MON2: variants seen among roughly 807,000 people sequenced by gnomAD.
The protein encoded by MON2 is protein MON2 homolog.
A neutral mutation model predicts 208.6 loss-of-function variants in MON2; 84 were observed. That is an observed-to-expected ratio of 0.40 (90% CI 0.34 to 0.48). MON2 has a LOEUF of 0.48. Among genes scored for constraint, MON2 ranks in the 20% least tolerant of loss-of-function variants. MON2 has a pLI of 0.59. For missense variants in MON2, 1,611 were observed against 2,015.4 expected (o/e 0.80, Z 3.84); for synonymous variants, 660 against 694.0 (o/e 0.95, Z 0.77).
intron 9 of MON2, 34 bp downstream of exon 9, chr12:62,524,673 G>C (rs1395573916): frequency 6.3e-7 from 1 of 1,597,614 alleles, no homozygotes; most frequent in East Asian, 2.2e-5. Flanking sequence ...TAAATAGATA[G>C]GTTAATGTTT....
At chr12:62,540,831 G>A (rs1398716101) in intron 19 of MON2, among the ~76,000 whole-genome samples, 1 of 152,004 alleles carries the variant, frequency 6.6e-6, no homozygotes, top group Non-Finnish European at 1.5e-5. Context: ...TTTAGATGGA[G>A]GCTATAAAAA....
At chr12:62,523,774 T>G (rs1223409843) in intron 8 of MON2, among the ~76,000 whole-genome samples, 1 of 152,126 alleles carries the variant, frequency 6.6e-6, no homozygotes, top group Non-Finnish European at 1.5e-5. Flanking sequence ...TCAGCTTAAT[T>G]TTTACCTCCC....
At chr12:62,561,178 A>T in intron 26 of MON2, 65 bp downstream of exon 26, 1 of 1,371,272 alleles carries the variant, frequency 7.3e-7, no homozygotes, top group Non-Finnish European at 9.9e-7. Flanking sequence ...TTATTTTGCT[A>T]TATATTTGCG....
At position 62,585,462 on chromosome 12, in the gene MON2, T is replaced by C; in HGVS notation, c.4868T>C (p.Ile1623Thr). ...KRSQDVLHRYIEDERLSGKCP... is the reference protein window; with the variant it reads ...KRSQDVLHRYTEDERLSGKCP... ...TCCCAAGATGTACTACATCGCTATA[T>C]AGAGGATGAAAGATTAAGTGGTAAA... The change falls in exon 33 of 35, where the codon ATA (isoleucine) becomes ACA (threonine). Residue 1623 changes from isoleucine (I) to threonine (T), a missense_variant. Transcript: ENST00000393630. 6.2e-7 allele frequency: 1 copy of C among 1,612,618 alleles called. No individual in the cohort carries two copies. Among genetic ancestry groups the C allele is most frequent in the Non-Finnish European group, 8.5e-7 (1 of 1,178,914 alleles).
At chr12:62,556,302 T>A (rs2073963062) in intron 25 of MON2, 110 bp downstream of exon 25, 1 of 1,041,516 alleles carries the variant, frequency 9.6e-7, no homozygotes, top group South Asian at 1.5e-5. Flanking sequence ...ATGTGTGGTG[T>A]GTGTGTAAGC....
intron 1 of MON2, among the ~76,000 whole-genome samples, chr12:62,468,823 T>A (rs972982951): frequency 2.6e-5 from 4 of 152,248 alleles, no homozygotes; most frequent in Admixed American, 1.3e-4. Flanking sequence ...TCAAACACTA[T>A]TTTGTAATTT....
chr12:62,589,042 G>T (rs1279870278), intron 34 of MON2: 2 of 532,162 alleles, frequency 3.8e-6, no homozygotes, highest in Non-Finnish European at 6.1e-6. Context: ...AGATTTTTGA[G>T]GGGCTTTTCA....
intron 34 of MON2, among the ~76,000 whole-genome samples, chr12:62,589,816 T>C (rs2075339101): frequency 6.6e-6 from 1 of 152,016 alleles, no homozygotes; most frequent in Non-Finnish European, 1.5e-5. Context: ...TCAGTAACTC[T>C]TTTTTACAAA....
At chr12:62,557,962 ATTTT>A (rs869193690) in intron 25 of MON2, among the ~76,000 whole-genome samples, 122 of 20,724 alleles carry the variant, frequency 5.9e-3, no homozygotes, top group Admixed American at 7.6e-3. Flanking sequence ...ATATATATAT[ATTTT>A]TTTTTTTTTT....
intron 1 of MON2, among the ~76,000 whole-genome samples, chr12:62,477,521 G>A (rs2069154298): frequency 6.6e-6 from 1 of 151,670 alleles, no homozygotes; most frequent in South Asian, 2.1e-4. Flanking sequence ...GACCTCCTGA[G>A]CTCCCACCTC....
chr12:62,504,144 G>T (rs981560917), intron 7 of MON2, among the ~76,000 whole-genome samples: 1 of 151,742 alleles, frequency 6.6e-6, no homozygotes, highest in Non-Finnish European at 1.5e-5. Context: ...GAATGAATTG[G>T]TTAATGAATT....
chr12:62,493,900 G>A lies in MON2; in HGVS notation c.176-15G>A, dbSNP rs1324799248. ...TTAATTTTAATAATTTACTTTATAT[G>A]TGTTCTAAATGAAGCACTGAAAGAG... On this transcript the variant is annotated splice_polypyrimidine_tract_variant and intron_variant, in intron 2 of 34. Transcript: ENST00000393630. The A allele has an allele frequency of 2.0e-6, 3 of 1,496,172 alleles. No individual in the cohort carries two copies. Among genetic ancestry groups the A allele is most frequent in the Non-Finnish European group, 1.8e-6 (2 of 1,112,606 alleles). 92.7% of individuals were successfully genotyped at this position (1,496,172 alleles called of 1,614,324 possible).
At position 62,556,156 on chromosome 12, in the gene MON2, A is replaced by T; in HGVS notation, c.3373A>T (p.Ile1125Phe). Residue 1125 changes from isoleucine to phenylalanine, a missense_variant, in exon 25 of 35, where the codon ATC becomes TTC. Ile to Phe is a conservative substitution (Grantham distance 21, BLOSUM62 0). Transcript: ENST00000393630. The part of the protein sequence containing the change: ...WVLTLAGVAR[I>F]FNTRRYLLQP... The stretch of plus-strand genomic sequence containing the variant: ...ATTAACATTGGCTGGAGTAGCAAGG[A>T]TCTTCAACACTAGAAGATATTTGCT... 6.2e-7 allele frequency: 1 copy of T among 1,614,056 alleles called. No homozygotes were observed. Among genetic ancestry groups the T allele is most frequent in the Non-Finnish European group, 8.5e-7 (1 of 1,179,982 alleles).
intron 8 of MON2, among the ~76,000 whole-genome samples, chr12:62,515,759 G>C (rs1185053463): frequency 1.3e-5 from 2 of 150,342 alleles, no homozygotes; most frequent in Non-Finnish European, 3.0e-5. Context: ...ACGTTGCAGT[G>C]AACCGAGATC....
At chr12:62,560,367 A>C in intron 25 of MON2, 124 bp from the exon 26 acceptor site, 1 of 952,418 alleles carries the variant, frequency 1.0e-6, no homozygotes. Context: ...ACCTAGTCAT[A>C]TATTTTCCAG....
At chr12:62,511,008 G>T (rs1182868592) in intron 8 of MON2, among the ~76,000 whole-genome samples, 1 of 152,066 alleles carries the variant, frequency 6.6e-6, no homozygotes, top group Non-Finnish European at 1.5e-5. Flanking sequence ...AATTTCATTT[G>T]CAAAGTACCA....
At position 62,560,794 on chromosome 12, in the gene MON2, A is replaced by C; in HGVS notation, c.3713A>C (p.Asn1238Thr). The C allele has an allele frequency of 6.2e-7, 1 of 1,614,080 alleles. No individual in the cohort carries two copies. Residue 1238 changes from asparagine to threonine, a missense_variant, in exon 26 of 35, where the codon AAT becomes ACT. Transcript: ENST00000393630. The stretch of plus-strand genomic sequence containing the variant: ...GTTACTGATGAGCTTGAAGATTTGA[A>C]TCTATGGTGGGCTGCGTGGAATACC... ...PIVTDELEDL[N>T]LWWAAWNTWY...
intron 8 of MON2, among the ~76,000 whole-genome samples, chr12:62,521,404 G>T (rs999545226): frequency 6.6e-6 from 1 of 152,162 alleles, no homozygotes; most frequent in Non-Finnish European, 1.5e-5. Context: ...TGGGGTTACT[G>T]CCTTGATTTC....
chr12:62,473,181 A>G (rs1376247095), intron 1 of MON2, among the ~76,000 whole-genome samples: 1 of 152,214 alleles, frequency 6.6e-6, no homozygotes, highest in African/African-American at 2.4e-5. Flanking sequence ...GTTGAATAAA[A>G]TGTTGCCTTC....
Sources: gnomAD v4.1 joint callset for allele counts (sites outside exome capture counted in the v4.1 genomes callset) on GRCh38, gnomAD v4.1.1 for gene constraint, MANE v1.5 for transcripts, NCBI Gene and HGNC (gene_info 2026-07-23, HGNC 2026-07-21) for gene names.